Variants in PDZK1 observed in about 807,000 individuals in gnomAD.
The protein encoded by PDZK1 is PDZ domain containing 1.
Under a neutral mutation model 38.1 loss-of-function variants are expected in PDZK1, and 23 were observed. The observed-to-expected ratio is 0.60, with a 90% confidence interval of 0.43 to 0.85. The LOEUF (loss-of-function observed/expected upper bound fraction) is 0.85, where lower values mean the gene tolerates loss of function less well. Ranked by LOEUF, PDZK1 falls within the 40% of genes least tolerant of loss-of-function variation. The pLI is 0.00. For synonymous variants in PDZK1, 98 were observed against 186.2 expected (o/e 0.53, Z 3.86); for missense variants, 297 against 504.3 (o/e 0.59, Z 3.94).
chr1:145,683,252 G>A (rs1654436535), intron 3 of PDZK1, among the ~76,000 whole-genome samples: 1 of 152,244 alleles, frequency 6.6e-6, no homozygotes, highest in African/African-American at 2.4e-5. Context: ...CCTTTACTCA[G>A]TGGGTATTTG....
intron 1 of PDZK1, among the ~76,000 whole-genome samples, chr1:145,705,757 T>C (rs1355861295): frequency 1.3e-5 from 2 of 152,094 alleles, no homozygotes; most frequent in Admixed American, 1.3e-4. Context: ...ATATTCATGG[T>C]TTTTTGTTTT....
intron 1 of PDZK1, among the ~76,000 whole-genome samples, chr1:145,702,520 G>C (rs1332423675): frequency 6.6e-6 from 1 of 151,948 alleles, no homozygotes; most frequent in African/African-American, 2.4e-5. Flanking sequence ...ACTACTACAA[G>C]AGTCTTGCCT....
chr1:145,682,852 G>C (rs1553700681), intron 3 of PDZK1, among the ~76,000 whole-genome samples: 2 of 152,162 alleles, frequency 1.3e-5, no homozygotes, highest in Admixed American at 1.3e-4. Context: ...ATTGCGGAGG[G>C]CTGCCTTCGA....
At chr1:145,686,367 C>T in intron 3 of PDZK1, 110 bp downstream of exon 3, 3 of 1,423,656 alleles carry the variant, frequency 2.1e-6, no homozygotes, top group East Asian at 2.3e-5. Flanking sequence ...TCTATAGCAA[C>T]TGAAAAGTCA....
intron 1 of PDZK1, among the ~76,000 whole-genome samples, chr1:145,703,277 G>C (rs782735911): frequency 6.6e-6 from 1 of 152,122 alleles, no homozygotes; most frequent in Non-Finnish European, 1.5e-5. Context: ...CTACCGTCCT[G>C]CCCTGAAAGA....
At chr1:145,677,220 C>T (rs2101878008) in intron 6 of PDZK1, among the ~76,000 whole-genome samples, 1 of 152,228 alleles carries the variant, frequency 6.6e-6, no homozygotes, top group East Asian at 1.9e-4. Context: ...CAAATCAGGT[C>T]TCACCATGTG....
chr1:145,686,382 AAG>A, intron 3 of PDZK1, 93 bp downstream of exon 3: 1 of 1,522,658 alleles, frequency 6.6e-7, no homozygotes, highest in Non-Finnish European at 8.9e-7. Context: ...AAGTCAGTCA[AAG>A]AAGAAAAGTC....
At chr1:145,706,381 T>G (rs976784540) in intron 1 of PDZK1, among the ~76,000 whole-genome samples, 4 of 152,168 alleles carry the variant, frequency 2.6e-5, no homozygotes, top group Non-Finnish European at 5.9e-5. Flanking sequence ...CCTGAGTAAT[T>G]TGCTGCAGAC....
intron 6 of PDZK1, among the ~76,000 whole-genome samples, chr1:145,674,823 C>T (rs1653482241): frequency 6.6e-6 from 1 of 152,114 alleles, no homozygotes; most frequent in Non-Finnish European, 1.5e-5. Flanking sequence ...ATACCTGTAT[C>T]TATATCCTAC....
intron 5 of PDZK1, among the ~76,000 whole-genome samples, chr1:145,680,432 G>A (rs1407498627): frequency 6.6e-6 from 1 of 151,896 alleles, no homozygotes; most frequent in Non-Finnish European, 1.5e-5. Flanking sequence ...AAGGAAGGAG[G>A]ACTCCTGGTT....
At chr1:145,704,714 G>T (rs1285721351) in intron 1 of PDZK1, among the ~76,000 whole-genome samples, 20 of 152,188 alleles carry the variant, frequency 1.3e-4, no homozygotes, top group Admixed American at 1.3e-3. Context: ...ACCAAAGAAA[G>T]AAGTTGCTGA....
intron 5 of PDZK1, among the ~76,000 whole-genome samples, chr1:145,679,950 A>G (rs1354457067): frequency 6.6e-6 from 1 of 152,172 alleles, no homozygotes; most frequent in Non-Finnish European, 1.5e-5. Context: ...CTGTGTTCAC[A>G]TGATTCCCAC....
In PDZK1 at chr1:145,671,396, C is replaced by T. The variant is rs1553697762; in HGVS notation, c.*40G>A. On this transcript the variant is annotated 3_prime_UTR_variant, in exon 9 of 9. Coordinates refer to ENST00000417171, the MANE Select transcript of PDZK1 (RefSeq NM_001201325.2). ...AGGATTCCTATTAAATACCCAGAAA[C>T]AGCTATCAAATAAACAGCCAAAGCT... 5 of 1,605,776 alleles carry T rather than the reference C, an allele frequency of 3.1e-6. No homozygotes were observed. The highest frequency in any genetic ancestry group is 1.1e-5 in the South Asian group (1 of 90,446).
In PDZK1 at chr1:145,688,032, A is replaced by G. The variant is rs1010294783; in HGVS notation, c.-2-9T>C. The stretch of plus-strand genomic sequence containing the variant: ...GAAGGTGGAGGTCATTTCTGTGATG[A>G]AAAAAATAAATTAATAAAACCATGG... On this transcript the variant is annotated splice_polypyrimidine_tract_variant and intron_variant, in intron 1 of 8. Coordinates refer to ENST00000417171, the MANE Select transcript of PDZK1 (RefSeq NM_001201325.2). 2 of 1,603,472 alleles carry G rather than the reference A, an allele frequency of 1.2e-6. No individual in the cohort carries two copies. Among genetic ancestry groups the G allele is most frequent in the African/African-American group, 2.7e-5 (2 of 74,566 alleles).
chr1:145,694,895 C>CAAAAAAA (rs10657290), intron 1 of PDZK1, among the ~76,000 whole-genome samples: 6 of 39,790 alleles, frequency 1.5e-4, no homozygotes, highest in Non-Finnish European at 2.2e-4. Flanking sequence ...GACTCTGTCT[C>CAAAAAAA]AAAAAAAAAA....
chr1:145,697,800 A>G (rs971505554), intron 1 of PDZK1, among the ~76,000 whole-genome samples: 16 of 52,062 alleles, frequency 3.1e-4, no homozygotes, highest in African/African-American at 1.5e-3. Context: ...TTTTTTTTTT[A>G]GTAGAGACAG....
chr1:145,699,650 T>A (rs1553704708), intron 1 of PDZK1, among the ~76,000 whole-genome samples: 1 of 152,228 alleles, frequency 6.6e-6, no homozygotes, highest in Non-Finnish European at 1.5e-5. Context: ...GGAAAAGTTA[T>A]CTGAAAAGAT....
chr1:145,676,084 A>T (rs1203513290), intron 6 of PDZK1: 7 of 197,344 alleles, frequency 3.5e-5, no homozygotes, highest in African/African-American at 1.7e-4. Context: ...TGTGCCAGGG[A>T]CTGCTAGAGG....
chr1:145,696,006 T>C (rs1655606655), intron 1 of PDZK1, among the ~76,000 whole-genome samples: 1 of 152,124 alleles, frequency 6.6e-6, no homozygotes, highest in South Asian at 2.1e-4. Context: ...CAGCACCCAG[T>C]GTCAGGGCCC....
Sources: allele counts gnomAD v4.1 joint callset (sites outside exome capture counted in the v4.1 genomes callset), GRCh38; gene constraint gnomAD v4.1.1; transcripts MANE v1.5; gene names NCBI Gene and HGNC (gene_info 2026-07-23, HGNC 2026-07-21).